Variants in RPH3A observed in about 807,000 individuals in gnomAD.
RPH3A encodes the protein rabphilin-3A.
Under a neutral mutation model 102.2 loss-of-function variants are expected in RPH3A, and 48 were observed. That is an observed-to-expected ratio of 0.47 (90% CI 0.37 to 0.60). RPH3A has a LOEUF of 0.60. Ranked by LOEUF, RPH3A falls within the 20% of genes least tolerant of loss-of-function variation. RPH3A has a pLI of 0.00. For synonymous variants in RPH3A, 310 were observed against 324.3 expected, an observed-to-expected ratio of 0.96 and a Z score of 0.47; for missense variants, 781 against 910.1, an observed-to-expected ratio of 0.86 and a Z score of 1.83.
rs369557001 is a variant in RPH3A, at chr12:112,709,549, C to CAA, written c.-139-82578_-139-82577dup. 7.5e-3 allele frequency among the ~76,000 whole-genome samples: 963 copies of CAA among 128,322 alleles called. 8 individuals are homozygous for CAA. The highest frequency in any genetic ancestry group is 0.023 in the African/African-American group (781 of 34,256). The allele number at this position is 128,322 out of a possible 152,430, so 84.2% of individuals were successfully genotyped here. A position where few individuals can be genotyped will look rare whatever the true frequency, so the allele number is the denominator to read the frequency against. On this transcript the variant is annotated intron_variant, in intron 1 of 21. Transcript: ENST00000543106. Reference sequence around the variant, plus strand: ...TGGGTGACAGAGCGAAACCCTGTCTCAAAAAAAAAAAAAAAAATTACTCTC... The same window carrying CAA: ...TGGGTGACAGAGCGAAACCCTGTCTCAAAAAAAAAAAAAAAAAAATTACTCTC...
rs2041126381 is a variant in RPH3A, at chr12:112,791,956, C to T, written c.-196C>T. ...TGTGGAGGACAGTCTGAGGGAGCCA[C>T]TGTCCCTTGTCCACTGACTCACTGG... On this transcript the variant is annotated 5_prime_UTR_variant, in exon 1 of 22. Coordinates refer to ENST00000389385, the MANE Select transcript of RPH3A (RefSeq NM_001143854.2). 1.4e-5 allele frequency: 2 copies of T among 146,840 alleles called. No homozygotes were observed. Among genetic ancestry groups the T allele is most frequent in the Admixed American group, 1.4e-4 (2 of 14,362 alleles). 9.1% of individuals were successfully genotyped at this position (146,840 alleles called of 1,614,324 possible). A position where few individuals can be genotyped will look rare whatever the true frequency, so the allele number is the denominator to read the frequency against.
At chr12:112,774,854 T>G (rs1421621079) in intron 1 of RPH3A, among the ~76,000 whole-genome samples, 1 of 152,120 alleles carries the variant, frequency 6.6e-6, no homozygotes, top group Non-Finnish European at 1.5e-5. Flanking sequence ...AAAAATTGCA[T>G]GCTGGGCTTA....
chr12:112,772,610 G>GCT (rs1445135301), intron 1 of RPH3A, among the ~76,000 whole-genome samples: 8 of 152,296 alleles, frequency 5.3e-5, no homozygotes, highest in South Asian at 2.1e-4. Context: ...AGTACTTAGA[G>GCT]AAGTGGTTGG....
At chr12:112,824,489 C>T (rs1029904540) in intron 2 of RPH3A, among the ~76,000 whole-genome samples, 1 of 152,130 alleles carries the variant, frequency 6.6e-6, no homozygotes, top group Non-Finnish European at 1.5e-5. Context: ...GTGCCTCCCC[C>T]CAACTGCATC....
intron 2 of RPH3A, among the ~76,000 whole-genome samples, chr12:112,820,433 C>T (rs1054944819): frequency 7.9e-5 from 12 of 152,222 alleles, no homozygotes; most frequent in Non-Finnish European, 1.6e-4. Flanking sequence ...TGCATCAGAT[C>T]CTGTAGGTAC....
At chr12:112,883,470 G>C (rs760900980) in intron 16 of RPH3A, 68 bp downstream of exon 16, 1 of 1,122,222 alleles carries the variant, frequency 8.9e-7, no homozygotes, top group Non-Finnish European at 1.3e-6. Flanking sequence ...ACTGAGACTT[G>C]GGGTGAGGCC....
intron 2 of RPH3A, among the ~76,000 whole-genome samples, chr12:112,825,080 G>A (rs1024572106): frequency 7.9e-5 from 12 of 152,164 alleles, no homozygotes; most frequent in Non-Finnish European, 1.5e-4. Flanking sequence ...CACTCAGCAG[G>A]GGCCAGAGGT....
At chr12:112,600,986 C>T (rs534957457) in intron 1 of RPH3A, among the ~76,000 whole-genome samples, 13 of 152,130 alleles carry the variant, frequency 8.5e-5, no homozygotes, top group Non-Finnish European at 1.6e-4. Flanking sequence ...ATGCCAGATG[C>T]TTATAAAACC....
At chr12:112,741,484 T>A (rs562839946) in intron 1 of RPH3A, among the ~76,000 whole-genome samples, 1 of 152,186 alleles carries the variant, frequency 6.6e-6, no homozygotes, top group African/African-American at 2.4e-5. Context: ...CATAGAGCTG[T>A]CTTTGTTTAG....
At chr12:112,694,863 A>C (rs1178472775) in intron 1 of RPH3A, among the ~76,000 whole-genome samples, 1 of 152,212 alleles carries the variant, frequency 6.6e-6, no homozygotes, top group African/African-American at 2.4e-5. Flanking sequence ...GTGAGTGACG[A>C]TTAAGTGAGG....
chr12:112,674,736 C>T (rs1357779922), intron 1 of RPH3A, among the ~76,000 whole-genome samples: 1 of 152,146 alleles, frequency 6.6e-6, no homozygotes, highest in Non-Finnish European at 1.5e-5. Context: ...ATCCCACATG[C>T]CTGTAGATCA....
chr12:112,719,687 T>C (rs1381711939), intron 1 of RPH3A, among the ~76,000 whole-genome samples: 1 of 152,196 alleles, frequency 6.6e-6, no homozygotes, highest in African/African-American at 2.4e-5. Flanking sequence ...CATACAAGAA[T>C]GGCATGCAAT....
At chr12:112,629,963 A>G (rs1360225427) in intron 1 of RPH3A, among the ~76,000 whole-genome samples, 2 of 152,160 alleles carry the variant, frequency 1.3e-5, no homozygotes, top group African/African-American at 2.4e-5. Context: ...TAATTGCCCA[A>G]TATCACACAG....
intron 1 of RPH3A, among the ~76,000 whole-genome samples, chr12:112,645,600 A>C (rs2039923309): frequency 6.6e-6 from 1 of 152,180 alleles, no homozygotes; most frequent in Non-Finnish European, 1.5e-5. Context: ...GTTTCAAAGC[A>C]AAGTGAGCTC....
intron 1 of RPH3A, among the ~76,000 whole-genome samples, chr12:112,672,763 C>T (rs1281335707): frequency 2.0e-5 from 3 of 152,116 alleles, no homozygotes; most frequent in Non-Finnish European, 2.9e-5. Flanking sequence ...GACCAGCCCT[C>T]CTGTTGTGCC....
At chr12:112,669,972 T>TCTCTGCACTCA (rs2040115618) in intron 1 of RPH3A, among the ~76,000 whole-genome samples, 1 of 152,234 alleles carries the variant, frequency 6.6e-6, no homozygotes, top group Admixed American at 6.5e-5. Context: ...TCCCAATGTT[T>TCTCTGCACTCA]TGTTACTATA....
intron 1 of RPH3A, among the ~76,000 whole-genome samples, chr12:112,577,198 A>G (rs1479192856): frequency 2.6e-5 from 4 of 152,246 alleles, no homozygotes; most frequent in Non-Finnish European, 5.9e-5. Flanking sequence ...TGGCTACTCC[A>G]TAGGCAGAGC....
chr12:112,638,247 G>A (rs1159284115), intron 1 of RPH3A, among the ~76,000 whole-genome samples: 1 of 152,092 alleles, frequency 6.6e-6, no homozygotes, highest in Admixed American at 6.6e-5. Flanking sequence ...ACAACCTGAG[G>A]CTTTCACCAG....
At chr12:112,895,639 C>T (rs911360001) in intron 20 of RPH3A, 138 bp from the exon 21 acceptor site, 24 of 606,140 alleles carry the variant, frequency 4.0e-5, no homozygotes, top group Admixed American at 1.5e-4. Context: ...AGGATCGGCA[C>T]GGGAAGACCT....
Sources: allele counts gnomAD v4.1 joint callset (sites outside exome capture counted in the v4.1 genomes callset), GRCh38; gene constraint gnomAD v4.1.1; transcripts MANE v1.5; gene names NCBI Gene and HGNC (gene_info 2026-07-23, HGNC 2026-07-21).